The following ATAD2B variants were observed in gnomAD, a reference collection of about 807,000 sequenced individuals.
ATAD2B encodes the protein ATPase family AAA domain-containing protein 2B.
ATAD2B carries 40 observed loss-of-function variants against 167.6 expected under a neutral mutation model. The observed-to-expected ratio is 0.24, with a 90% CI of 0.19 to 0.31. The LOEUF is 0.31. Ranked by LOEUF, ATAD2B falls within the 10% of genes least tolerant of loss-of-function variation. The pLI is 1.00. For synonymous variants in ATAD2B, 579 were observed against 596.5 expected (o/e 0.97, Z 0.43); for missense variants, 1,242 against 1,757.2 (o/e 0.71, Z 5.24).
chr2:23,874,112 A>C (rs1696424169), intron 8 of ATAD2B, among the ~76,000 whole-genome samples: 1 of 151,990 alleles, frequency 6.6e-6, no homozygotes, highest in African/African-American at 2.4e-5. Flanking sequence ...GCTTCAACCA[A>C]GGAGGCGGAG....
At chr2:23,837,411 G>A (rs560433496) in intron 13 of ATAD2B, among the ~76,000 whole-genome samples, 19 of 152,328 alleles carry the variant, frequency 1.2e-4, no homozygotes, top group Admixed American at 9.8e-4. Context: ...GCACCTGGGA[G>A]GGCTGGACCC....
chr2:23,926,100 ACC>A (rs1220464865), intron 1 of ATAD2B, among the ~76,000 whole-genome samples: 3 of 152,060 alleles, frequency 2.0e-5, no homozygotes, highest in Non-Finnish European at 2.9e-5. Context: ...AACTTGAACC[ACC>A]CCCAAACTGA....
chr2:23,890,460 G>A lies in ATAD2B; in HGVS notation c.369-2061C>T, dbSNP rs553077545. Among the ~76,000 whole-genome samples, 3 of 152,214 alleles carry A rather than the reference G, an allele frequency of 2.0e-5. No homozygotes were observed. In the South Asian group the frequency reaches 6.2e-4, roughly 32 times the overall value. ...AGTGTGACTATAAAGTAACTAAATG[G>A]ATGTAATACAGGTATTCTTACAACG... On this transcript the variant is annotated intron_variant, in intron 2 of 27. Coordinates refer to ENST00000238789, the MANE Select transcript of ATAD2B (RefSeq NM_017552.4).
Position 23,758,102 on chromosome 2 carries a change from C to T in ATAD2B, c.3395-1G>A. The T allele has an allele frequency of 6.4e-7, 1 of 1,558,224 alleles. No individual in the cohort carries two copies. The highest frequency in any genetic ancestry group is 8.6e-7 in the Non-Finnish European group (1 of 1,163,744). ...CGCCTTGATTTTCTCCGAACCCGAA[C>T]TGTTTTACAAGGAAGGAAAAAAGAT... On this transcript the variant is annotated splice_acceptor_variant, in intron 24 of 27. Transcript: ENST00000238789. LOFTEE classifies it high-confidence loss of function.
At chr2:23,853,489 G>C (rs1381057538) in intron 13 of ATAD2B, among the ~76,000 whole-genome samples, 1 of 152,110 alleles carries the variant, frequency 6.6e-6, no homozygotes, top group African/African-American at 2.4e-5. Context: ...AAAGTATTTA[G>C]GGATGCATTA....
chr2:23,867,792 T>A, intron 10 of ATAD2B, 43 bp downstream of exon 10: 1 of 1,446,286 alleles, frequency 6.9e-7, no homozygotes, highest in Admixed American at 1.9e-5. Context: ...AAAAAAACTT[T>A]TAAAAAAAAG....
chr2:23,831,803 A>G (rs894508050), intron 14 of ATAD2B, among the ~76,000 whole-genome samples: 1 of 152,214 alleles, frequency 6.6e-6, no homozygotes, highest in Non-Finnish European at 1.5e-5. Flanking sequence ...GACATCTCTC[A>G]ATTTCACATA....
chr2:23,687,151 C>T, the ATAD2B span, among the ~76,000 whole-genome samples: 1 of 152,210 alleles, frequency 6.6e-6, no homozygotes, highest in African/African-American at 2.4e-5. Context: ...TGGCTCCACG[C>T]TCAGGCAGCT....
At position 23,880,357 on chromosome 2, in the gene ATAD2B, G is replaced by A. The variant is rs1383879985; in HGVS notation, c.901+282C>T. Among the ~76,000 whole-genome samples, 5 of 152,064 alleles carry A rather than the reference G, an allele frequency of 3.3e-5. No homozygotes were observed. The East Asian group carries it at 5.8e-4, about 18-fold the overall frequency. Reference sequence around the variant, plus strand: ...GGCAATATTAATTTTTTTAAAAGCAGTAGGGCATTTTTAGTAGAGATGGGG... The same window carrying A: ...GGCAATATTAATTTTTTTAAAAGCAATAGGGCATTTTTAGTAGAGATGGGG... On this transcript the variant is annotated intron_variant, in intron 7 of 27. Coordinates refer to ENST00000238789, the MANE Select transcript of ATAD2B (RefSeq NM_017552.4).
rs558430508 is a variant in ATAD2B, at chr2:23,887,541, T to C, written c.572+291A>G. Among the ~76,000 whole-genome samples the C allele has an allele frequency of 1.9e-4, 29 of 152,278 alleles. No individual in the cohort carries two copies. The South Asian group carries it at 5.8e-3, about 30-fold the overall frequency. On this transcript the variant is annotated intron_variant, in intron 4 of 27. Transcript: ENST00000238789. Reference sequence around the variant, plus strand: ...TGTACTGACCACCCTCTCCAGGCTATTGTAAAGATTAAGTAGGATGACATA... The same window carrying C: ...TGTACTGACCACCCTCTCCAGGCTACTGTAAAGATTAAGTAGGATGACATA...
intron 11 of ATAD2B, 57 bp from the exon 12 acceptor site, chr2:23,863,612 C>T (rs1160567565): frequency 7.1e-7 from 1 of 1,409,122 alleles, no homozygotes; most frequent in Non-Finnish European, 9.5e-7. Context: ...TGCTGATAAC[C>T]AATTTTAAAA....
chr2:23,788,080 A>G (rs1681090478), intron 20 of ATAD2B: 1 of 156,766 alleles, frequency 6.4e-6, no homozygotes, highest in South Asian at 2.0e-4. Context: ...CAATCAATAA[A>G]TAAACTAGAA....
intron 1 of ATAD2B, among the ~76,000 whole-genome samples, chr2:23,913,117 T>A (rs1346381707): frequency 6.6e-6 from 1 of 152,260 alleles, no homozygotes; most frequent in East Asian, 1.9e-4. Flanking sequence ...CATACATTTT[T>A]ATTTTTCTAC....
At chr2:23,688,703 AC>A in the ATAD2B span, 1 of 147,710 alleles carries the variant, frequency 6.8e-6, no homozygotes, top group Non-Finnish European at 1.5e-5. Flanking sequence ...TCTATACCCC[AC>A]CCCCCTGCGT....
At chr2:23,678,825 G>T in the ATAD2B span, among the ~76,000 whole-genome samples, 1 of 152,156 alleles carries the variant, frequency 6.6e-6, no homozygotes, top group Non-Finnish European at 1.5e-5. Flanking sequence ...GACAAATATT[G>T]CATAATTCCA....
At chr2:23,892,355 G>A (rs1699638741) in intron 2 of ATAD2B, among the ~76,000 whole-genome samples, 1 of 152,046 alleles carries the variant, frequency 6.6e-6, no homozygotes, top group African/African-American at 2.4e-5. Context: ...TAGTAGAGAC[G>A]GGGTTTCACC....
At chr2:23,772,595 T>C (rs1462952590) in intron 22 of ATAD2B, among the ~76,000 whole-genome samples, 1 of 152,102 alleles carries the variant, frequency 6.6e-6, no homozygotes, top group Non-Finnish European at 1.5e-5. Context: ...GTATCTTCTA[T>C]CCCAACACTA....
the ATAD2B span, chr2:23,693,570 G>C: frequency 2.5e-3 from 3,885 of 1,531,568 alleles, 91 homozygotes; most frequent in African/African-American, 0.044. Flanking sequence ...TCTGGGTTTG[G>C]GGTCCCCCTG....
At position 23,882,196 on chromosome 2, in the gene ATAD2B, A is replaced by AT. The variant is rs772927425; in HGVS notation, c.785-1442dup. Among the ~76,000 whole-genome samples, 531 of 148,520 alleles carry AT rather than the reference A, an allele frequency of 3.6e-3. 4 individuals carry two copies. The highest frequency in any genetic ancestry group is 5.4e-3 in the Non-Finnish European group (361 of 66,828). On this transcript the variant is annotated intron_variant, in intron 6 of 27. Coordinates refer to ENST00000238789, the MANE Select transcript of ATAD2B (RefSeq NM_017552.4). The stretch of plus-strand genomic sequence containing the variant: ...GGCAACATAGCAAGATTCCATCTCT[A>AT]TTTTTTTTTTATTTTTATTTTTTTT...
Sources: gnomAD v4.1 joint callset for allele counts (sites outside exome capture counted in the v4.1 genomes callset) on GRCh38, gnomAD v4.1.1 for gene constraint, MANE v1.5 for transcripts, NCBI Gene and HGNC (gene_info 2026-07-23, HGNC 2026-07-21) for gene names.